ELMO1: variants seen among roughly 807,000 people sequenced by gnomAD.
ELMO1 encodes engulfment and cell motility protein 1.
A neutral mutation model predicts 98.9 loss-of-function variants in ELMO1; 26 were observed. That is an observed-to-expected ratio of 0.26 (90% CI 0.19 to 0.36). The LOEUF is 0.36. ELMO1 is among the 10% of genes least tolerant of loss of function. ELMO1 has a pLI of 1.00. For missense variants in ELMO1, 627 were observed against 935.2 expected (o/e 0.67, Z 4.30); for synonymous variants, 346 against 346.0 (o/e 1.00, Z 0.00).
intron 1 of ELMO1, chr7:37,429,608 ATCACTAT>A (rs1324200653): frequency 1.3e-5 from 2 of 152,302 alleles, no homozygotes; most frequent in Admixed American, 6.5e-5. Flanking sequence ...CTACAGTACC[ATCACTAT>A]GTTCAGGTGC....
chr7:37,135,406 C>T lies in ELMO1; in HGVS notation c.1087-2172G>A, dbSNP rs144964884. 3.7e-3 allele frequency among the ~76,000 whole-genome samples: 565 copies of T among 152,298 alleles called. 2 individuals are homozygous for T. The highest frequency in any genetic ancestry group is 0.013 in the African/African-American group (547 of 41,548). On this transcript the variant is annotated intron_variant, in intron 13 of 21. Transcript: ENST00000310758. ...ACCCTTTGAAGGAACTGGATCACCA[C>T]CGCAGGCTCCCTGGGAGGCAACCAG... is the stretch of plus-strand genomic sequence containing the variant.
At chr7:37,145,243 C>G (rs1787909088) in intron 13 of ELMO1, among the ~76,000 whole-genome samples, 1 of 152,210 alleles carries the variant, frequency 6.6e-6, no homozygotes, top group Non-Finnish European at 1.5e-5. Context: ...GAGGATAGCT[C>G]ATCTCAAATG....
intron 18 of ELMO1, 86 bp from the exon 19 acceptor site, chr7:36,878,203 G>T: frequency 2.1e-6 from 2 of 973,838 alleles, no homozygotes; most frequent in Non-Finnish European, 3.2e-6. Flanking sequence ...CTCTTGCCTG[G>T]AGGAAACAAG....
intron 8 of ELMO1, among the ~76,000 whole-genome samples, chr7:37,229,437 C>T (rs559006375): frequency 1.0e-3 from 152 of 152,036 alleles, no homozygotes; most frequent in African/African-American, 3.5e-3. Flanking sequence ...AATTTGTAAA[C>T]CAGAATCTAG....
intron 15 of ELMO1, among the ~76,000 whole-genome samples, chr7:37,080,230 A>C (rs1797791655): frequency 1.3e-5 from 2 of 152,066 alleles, no homozygotes. Context: ...TCATCTCTCA[A>C]CTTGCTTATT....
At chr7:36,887,525 C>T in intron 18 of ELMO1, 35 bp downstream of exon 18, 1 of 1,601,670 alleles carries the variant, frequency 6.2e-7, no homozygotes, top group South Asian at 1.1e-5. Context: ...CACTGTTTAC[C>T]CTATCCAAGT....
chr7:37,400,706 A>G (rs1803489827), intron 1 of ELMO1, among the ~76,000 whole-genome samples: 1 of 152,188 alleles, frequency 6.6e-6, no homozygotes, highest in South Asian at 2.1e-4. Flanking sequence ...GAAAGATCAA[A>G]ACTTCTACTT....
At chr7:37,023,476 A>G (rs749377946) in intron 15 of ELMO1, among the ~76,000 whole-genome samples, 4 of 152,298 alleles carry the variant, frequency 2.6e-5, no homozygotes, top group East Asian at 1.9e-4. Context: ...AAAAAACTAC[A>G]TAACTGGTTT....
At chr7:37,378,761 T>TA (rs1460856324) in intron 1 of ELMO1, among the ~76,000 whole-genome samples, 3 of 151,968 alleles carry the variant, frequency 2.0e-5, no homozygotes, top group South Asian at 4.2e-4. Flanking sequence ...CTTTTTTTTT[T>TA]ATCTTAAACA....
At chr7:36,975,963 G>A (rs1790505773) in intron 16 of ELMO1, among the ~76,000 whole-genome samples, 1 of 151,838 alleles carries the variant, frequency 6.6e-6, no homozygotes, top group South Asian at 2.1e-4. Context: ...ATCTCTTCTC[G>A]AATAGTTGGA....
chr7:37,072,361 T>C (rs1797323670), intron 15 of ELMO1, among the ~76,000 whole-genome samples: 1 of 152,170 alleles, frequency 6.6e-6, no homozygotes, highest in African/African-American at 2.4e-5. Flanking sequence ...CGGCTGGTTT[T>C]AAAAATGGGA....
At position 37,294,478 on chromosome 7, in the gene ELMO1, G is replaced by A. The variant is rs553121637; in HGVS notation, c.192+20372C>T. On this transcript the variant is annotated intron_variant, in intron 4 of 21. Coordinates refer to ENST00000310758, the MANE Select transcript of ELMO1 (RefSeq NM_014800.11). The stretch of plus-strand genomic sequence containing the variant: ...AATAGAAAAGCTGATAATTGCGGGT[G>A]GGACTGCAAGCTAGTAGAACCACTT... Among the ~76,000 whole-genome samples, 8 of 152,278 alleles carry A rather than the reference G, an allele frequency of 5.3e-5. No homozygotes were observed. In the South Asian group the frequency reaches 1.7e-3, roughly 32 times the overall value.
At chr7:37,158,837 A>G (rs538579379) in intron 13 of ELMO1, among the ~76,000 whole-genome samples, 7 of 152,360 alleles carry the variant, frequency 4.6e-5, no homozygotes, top group African/African-American at 1.2e-4. Context: ...TCATGCTGCT[A>G]TAAAGACCCA....
At chr7:37,225,092 G>C (rs1029394358) in intron 8 of ELMO1, 62 bp from the exon 9 acceptor site, 1 of 1,588,242 alleles carries the variant, frequency 6.3e-7, no homozygotes, top group African/African-American at 1.3e-5. Context: ...ACGTGGAGAA[G>C]GGAACAAATG....
chr7:37,016,791 T>C (rs972871372), intron 15 of ELMO1, among the ~76,000 whole-genome samples: 2 of 152,194 alleles, frequency 1.3e-5, no homozygotes, highest in African/African-American at 4.8e-5. Context: ...AGATTATAAA[T>C]AGGAGATTGA....
At chr7:37,348,601 G>GT (rs1801118357) in intron 1 of ELMO1, among the ~76,000 whole-genome samples, 2 of 152,068 alleles carry the variant, frequency 1.3e-5, no homozygotes, top group Admixed American at 1.3e-4. Context: ...CTGTATAGCA[G>GT]TAACATCTGA....
At chr7:37,043,724 T>C (rs548618057) in intron 15 of ELMO1, among the ~76,000 whole-genome samples, 1 of 152,272 alleles carries the variant, frequency 6.6e-6, no homozygotes, top group South Asian at 2.1e-4. Context: ...GAATCTAATG[T>C]GCAGGCAGGA....
chr7:36,994,917 T>C (rs541542916), intron 16 of ELMO1, among the ~76,000 whole-genome samples: 117 of 152,308 alleles, frequency 7.7e-4, no homozygotes, highest in African/African-American at 2.7e-3. Flanking sequence ...CCAGGCTCTA[T>C]TTCAAGGAAG....
At chr7:36,861,283 A>C (rs942367541) in intron 21 of ELMO1, among the ~76,000 whole-genome samples, 3 of 152,210 alleles carry the variant, frequency 2.0e-5, no homozygotes, top group Non-Finnish European at 4.4e-5. Flanking sequence ...TAGAAAACCT[A>C]CTTCCTCAGA....
Sources: allele counts gnomAD v4.1 joint callset (sites outside exome capture counted in the v4.1 genomes callset), GRCh38; gene constraint gnomAD v4.1.1; transcripts MANE v1.5; gene names NCBI Gene and HGNC (gene_info 2026-07-23, HGNC 2026-07-21).